Variants in LNX2 observed in about 807,000 individuals in gnomAD.
LNX2 encodes the protein ligand of numb-protein X 2.
Under a neutral mutation model 66.2 loss-of-function variants are expected in LNX2, and 35 were observed. That is an observed-to-expected ratio of 0.53 (90% confidence interval 0.40 to 0.70). LNX2 has a LOEUF of 0.70. LNX2 is among the 30% of genes least tolerant of loss of function. LNX2 has a pLI of 0.00. For synonymous variants in LNX2, 337 were observed against 315.6 expected (o/e 1.07, Z -0.72); for missense variants, 791 against 850.8 (o/e 0.93, Z 0.87).
intron 7 of LNX2, among the ~76,000 whole-genome samples, chr13:27,553,688 T>C (rs554990339): frequency 6.6e-6 from 1 of 152,316 alleles, no homozygotes; most frequent in African/African-American, 2.4e-5. Flanking sequence ...CTGAGGCACC[T>C]TGACATGATT....
intron 6 of LNX2, among the ~76,000 whole-genome samples, chr13:27,556,617 CTG>C (rs1293686795): frequency 5.3e-5 from 8 of 152,282 alleles, no homozygotes; most frequent in African/African-American, 1.9e-4. Context: ...ATTTTCATGA[CTG>C]TTTATGTAGC....
In LNX2 at chr13:27,567,702, C is replaced by A. The variant is rs767530586; in HGVS notation, c.793G>T (p.Val265Phe). The A allele has an allele frequency of 6.2e-7, 1 of 1,613,946 alleles. No individual in the cohort carries two copies. The highest frequency in any genetic ancestry group is 2.2e-5 in the East Asian group (1 of 44,880). ...TPLINIVIQE[V>F]YRDGVIARDG... Reference sequence around the variant, plus strand: ...CTGGCAATGACCCCATCCCGATAGACCTCCTGGATGACAATGTTAATCAAA... The same window carrying A: ...CTGGCAATGACCCCATCCCGATAGAACTCCTGGATGACAATGTTAATCAAA... The change falls in exon 4 of 10, where the codon GTC becomes TTC. Residue 265 changes from valine (V) to phenylalanine (F), a missense_variant. By Grantham distance (50) the Val-to-Phe change is conservative. Transcript: ENST00000316334.
intron 8 of LNX2, among the ~76,000 whole-genome samples, chr13:27,552,513 T>C (rs1318754227): frequency 6.6e-6 from 1 of 152,206 alleles, no homozygotes; most frequent in African/African-American, 2.4e-5. Flanking sequence ...TTAGGATTCT[T>C]AGGTACGGTA....
At chr13:27,556,502 T>A in intron 6 of LNX2, 89 bp from the exon 7 acceptor site, 1 of 1,057,434 alleles carries the variant, frequency 9.5e-7, no homozygotes, top group South Asian at 1.5e-5. Flanking sequence ...ATAACTTACA[T>A]GGCATTTATA....
Position 27,589,907 on chromosome 13 carries a change from G to A in LNX2, c.-100-8104C>T, listed in dbSNP as rs1955529743. 2.6e-5 allele frequency among the ~76,000 whole-genome samples: 4 copies of A among 152,330 alleles called. No homozygotes were observed. The South Asian group carries it at 8.3e-4, about 32-fold the overall frequency. ...CTTCTCCAGCACCTCCAACACGTGGGCTTTCTTCATTAACAGCAGTCTTCA... is the reference window on the plus strand; with the variant it reads ...CTTCTCCAGCACCTCCAACACGTGGACTTTCTTCATTAACAGCAGTCTTCA... On this transcript the variant is annotated intron_variant, in intron 1 of 9. Coordinates refer to ENST00000316334, the MANE Select transcript of LNX2 (RefSeq NM_153371.4).
intron 1 of LNX2, among the ~76,000 whole-genome samples, chr13:27,592,558 C>T (rs2138429078): frequency 6.6e-6 from 1 of 152,166 alleles, no homozygotes; most frequent in Non-Finnish European, 1.5e-5. Flanking sequence ...AGTTCAAAGA[C>T]AAGGAATGGG....
chr13:27,570,403 A>G (rs1036451213), intron 2 of LNX2, among the ~76,000 whole-genome samples: 6 of 152,248 alleles, frequency 3.9e-5, no homozygotes, highest in Non-Finnish European at 7.3e-5. Context: ...TATAAAAGTA[A>G]TATTTTCCCT....
At chr13:27,560,565 G>GTCTATATATATA (rs35007288) in intron 5 of LNX2, among the ~76,000 whole-genome samples, 1 of 119,970 alleles carries the variant, frequency 8.3e-6, no homozygotes, top group African/African-American at 3.3e-5. Context: ...ATGTATGTGT[G>GTCTATATATATA]TATATATATA....
intron 4 of LNX2, 96 bp from the exon 5 acceptor site, chr13:27,562,877 G>C (rs1955154752): frequency 8.0e-7 from 1 of 1,247,792 alleles, no homozygotes; most frequent in African/African-American, 1.5e-5. Context: ...ACTAAGTATT[G>C]TGAGAGTGCT....
intron 7 of LNX2, among the ~76,000 whole-genome samples, chr13:27,555,782 C>T (rs9581885): frequency 0.13 from 20,110 of 152,156 alleles, 1,712 homozygotes; most frequent in Non-Finnish European, 0.19. Flanking sequence ...CTAGCTGCAA[C>T]CCCCATCTAT....
In LNX2 at chr13:27,550,379, T is replaced by C; in HGVS notation, c.1891A>G (p.Lys631Glu). ...ENHTNQPFFI[K>E]TIVLGTPAYY... The stretch of plus-strand genomic sequence containing the variant: ...GCAGGAGTTCCCAAGACAATAGTTT[T>C]AATGAAAAAAGGCTGATTGGTGTGG... Residue 631 changes from lysine (K) to glutamate (E), a missense_variant, in exon 9 of 10, where the codon AAA (lysine) becomes GAA (glutamate). Physicochemically the swap from Lys to Glu is moderately conservative, Grantham distance 56. Coordinates refer to ENST00000316334, the MANE Select transcript of LNX2 (RefSeq NM_153371.4). 1 of 1,613,894 alleles carries C rather than the reference T, an allele frequency of 6.2e-7. No individual in the cohort carries two copies. The highest frequency in any genetic ancestry group is 8.5e-7 in the Non-Finnish European group (1 of 1,179,890).
intron 8 of LNX2, among the ~76,000 whole-genome samples, chr13:27,551,250 T>A (rs1423229362): frequency 6.6e-6 from 1 of 152,068 alleles, no homozygotes; most frequent in African/African-American, 2.4e-5. Context: ...TCATGCCAAC[T>A]TGGGTGACAG....
At position 27,581,533 on chromosome 13, in the gene LNX2, C is replaced by G; in HGVS notation, c.171G>C (p.Leu57=). The G allele has an allele frequency of 6.2e-7, 1 of 1,614,152 alleles. No homozygotes were observed. Among genetic ancestry groups the G allele is most frequent in the Non-Finnish European group, 8.5e-7 (1 of 1,180,000 alleles). The change falls in exon 2 of 10, where the codon CTG becomes CTC. Residue 57 remains leucine, a synonymous_variant. Transcript: ENST00000316334. ...DLVCHICLQP[L]LQPLDTPCGH... ...CACAGGGTGTGTCTAGTGGCTGCAGCAGAGGTTGAAGGCAAATATGGCAGA... is the reference window on the plus strand; with the variant it reads ...CACAGGGTGTGTCTAGTGGCTGCAGGAGAGGTTGAAGGCAAATATGGCAGA...
chr13:27,550,425 G>T lies in LNX2; in HGVS notation c.1845C>A (p.Ile615=). Residue 615 remains isoleucine (I), a synonymous_variant, in exon 9 of 10, where the codon ATC becomes ATA. Coordinates refer to ENST00000316334, the MANE Select transcript of LNX2 (RefSeq NM_153371.4). The stretch of plus-strand genomic sequence containing the variant: ...TGTGGTTCTCTTCATATCCACCAAC[G>T]ATACTAAAGCCCCAACTTCCCAAGT... ...RSYLGSWGFS[I]VGGYEENHTN... 6.2e-7 allele frequency: 1 copy of T among 1,613,792 alleles called. No individual in the cohort carries two copies. Among genetic ancestry groups the T allele is most frequent in the Non-Finnish European group, 8.5e-7 (1 of 1,179,774 alleles).
chr13:27,557,323 G>C (rs1371680787), intron 6 of LNX2, among the ~76,000 whole-genome samples: 2 of 151,926 alleles, frequency 1.3e-5, no homozygotes, highest in Non-Finnish European at 2.9e-5. Flanking sequence ...AACTTGTCCT[G>C]AATCATGTTA....
chr13:27,586,165 A>G (rs1028419131), intron 1 of LNX2, among the ~76,000 whole-genome samples: 1 of 151,692 alleles, frequency 6.6e-6, no homozygotes, highest in Non-Finnish European at 1.5e-5. Flanking sequence ...CTGGCAAATC[A>G]TAGGTGCAAT....
At chr13:27,611,071 C>A (rs765553595) in intron 1 of LNX2, among the ~76,000 whole-genome samples, 1 of 152,118 alleles carries the variant, frequency 6.6e-6, no homozygotes, top group African/African-American at 2.4e-5. Flanking sequence ...TCAAAAAGTT[C>A]GACTACCATA....
At position 27,569,058 on chromosome 13, in the gene LNX2, G is replaced by C; in HGVS notation, c.626C>G (p.Pro209Arg). The change falls in exon 3 of 10, where the codon CCT becomes CGT. Residue 209 changes from proline to arginine, a missense_variant. Pro to Arg is a moderately radical substitution (Grantham distance 103). Transcript: ENST00000316334. Reference protein sequence around the residue: ...TWSEEPGLDNPAFEESAGADT... With the variant: ...TWSEEPGLDNRAFEESAGADT... ...AGCTCCAGCGCTCTCCTCAAAGGCA[G>C]GGTTGTCAAGGCCAGGCTCCTCACT... The C allele has an allele frequency of 6.2e-7, 1 of 1,613,796 alleles. No individual in the cohort carries two copies. The highest frequency in any genetic ancestry group is 1.1e-5 in the South Asian group (1 of 91,048).
At chr13:27,558,584 CTTATA>C (rs893235661) in intron 6 of LNX2, among the ~76,000 whole-genome samples, 12 of 152,010 alleles carry the variant, frequency 7.9e-5, no homozygotes, top group African/African-American at 2.4e-4. Context: ...CAACTTGTAC[CTTATA>C]TTATAGTTTT....
Sources: allele counts gnomAD v4.1 joint callset (sites outside exome capture counted in the v4.1 genomes callset), GRCh38; gene constraint gnomAD v4.1.1; transcripts MANE v1.5; gene names NCBI Gene and HGNC (gene_info 2026-07-23, HGNC 2026-07-21).